PHF10: variants seen among roughly 807,000 people sequenced by gnomAD.
PHF10 encodes the protein BRG1-associated factor 45a.
PHF10 carries 51 observed loss-of-function variants against 68.5 expected under a neutral mutation model. The ratio of observed to expected loss-of-function variants is 0.74; its 90% CI spans 0.59 to 0.94. The LOEUF (loss-of-function observed/expected upper bound fraction) is 0.94. Among genes scored for constraint, PHF10 ranks in the 40% least tolerant of loss-of-function variants. The probability of loss-of-function intolerance (pLI) is 0.00; values close to 1 mark genes in which losing one functional copy is unlikely to be tolerated. For missense variants in PHF10, 460 were observed against 602.6 expected (o/e 0.76, Z 2.48); for synonymous variants, 204 against 203.5 (o/e 1.00, Z -0.02).
At chr6:169,719,420 C>T (rs1789126675) in intron 2 of PHF10, 1 of 153,062 alleles carries the variant, frequency 6.5e-6, no homozygotes. Flanking sequence ...AGATACTCCA[C>T]AAACCCAGAA....
chr6:169,716,978 G>C (rs1789062984), intron 4 of PHF10, among the ~76,000 whole-genome samples: 1 of 152,230 alleles, frequency 6.6e-6, no homozygotes, highest in Non-Finnish European at 1.5e-5. Context: ...CAAGGGCTGG[G>C]CATGGTGGCT....
intron 11 of PHF10, 63 bp from the exon 12 acceptor site, chr6:169,704,151 A>G: frequency 8.0e-7 from 1 of 1,254,244 alleles, no homozygotes; most frequent in Non-Finnish European, 1.1e-6. Flanking sequence ...TTTTAAGCCC[A>G]TCTAAACTCT....
chr6:169,713,191 C>G (rs1343679383), intron 7 of PHF10, among the ~76,000 whole-genome samples: 1 of 152,164 alleles, frequency 6.6e-6, no homozygotes, highest in Non-Finnish European at 1.5e-5. Flanking sequence ...AGCCCCCATT[C>G]AGGAGGCAAC....
Position 169,705,697 on chromosome 6 carries a change from C to A in PHF10, c.1141G>T (p.Gly381Ter). 6.3e-7 allele frequency: 1 copy of A among 1,584,652 alleles called. No individual in the cohort carries two copies. The highest frequency in any genetic ancestry group is 8.7e-7 in the Non-Finnish European group (1 of 1,153,262). The change falls in exon 10 of 12, where the codon GGA becomes TGA. Residue 381 changes from glycine to a stop codon, truncating the protein, a stop_gained. Transcript: ENST00000339209. LOFTEE classifies it high-confidence loss of function. The stretch of plus-strand genomic sequence containing the variant: ...GACTCCTTACCCTTCAGACAAATTC[C>A]ACATATAGCATTTGGAATGACCTTT... ...KPKVIPNAICGICLKGKESNK... is the reference protein window; with the variant it reads ...KPKVIPNAIC
chr6:169,714,609 C>A, intron 7 of PHF10, 124 bp downstream of exon 7: 2 of 673,176 alleles, frequency 3.0e-6, no homozygotes, highest in Non-Finnish European at 2.7e-6. Flanking sequence ...AATAGCAACA[C>A]AAATCCTATA....
At chr6:169,706,551 AAG>A (rs981132602) in intron 9 of PHF10, among the ~76,000 whole-genome samples, 1 of 152,100 alleles carries the variant, frequency 6.6e-6, no homozygotes, top group African/African-American at 2.4e-5. Context: ...ACAAAGGAAA[AAG>A]GGTTCACTGC....
chr6:169,724,393 G>A lies in PHF10; in HGVS notation c.-462C>T, dbSNP rs1402514666. On this transcript the variant is annotated 5_prime_UTR_variant, in exon 1 of 12. Coordinates refer to ENST00000339209, the MANE Select transcript of PHF10 (RefSeq NM_018288.4). ...TCAGCCCCGCGGCCGCCTCAGCCCCGCCGCTCGCCTCAGCCCCGCCGCTCG... is the reference window on the plus strand; with the variant it reads ...TCAGCCCCGCGGCCGCCTCAGCCCCACCGCTCGCCTCAGCCCCGCCGCTCG... 9.2e-6 allele frequency among the ~76,000 whole-genome samples: 1 copy of A among 108,822 alleles called. No homozygotes were observed. The highest frequency in any genetic ancestry group is 1.9e-5 in the Non-Finnish European group (1 of 51,914). The allele number at this position is 108,822 out of a possible 152,430, so 71.4% of individuals were successfully genotyped here.
chr6:169,721,151 G>T, intron 1 of PHF10, 40 bp from the exon 2 acceptor site: 1 of 1,120,004 alleles, frequency 8.9e-7, no homozygotes, highest in South Asian at 1.4e-5. Context: ...ATTAGAGAAA[G>T]AATAAAAGAA....
At chr6:169,714,992 C>A (rs1271919117) in intron 6 of PHF10, 150 bp from the exon 7 acceptor site, 2 of 621,678 alleles carry the variant, frequency 3.2e-6, no homozygotes, top group African/African-American at 1.8e-5. Context: ...CCTAAGAGGA[C>A]AGTTGGTGCT....
chr6:169,715,955 G>T lies in PHF10; in HGVS notation c.543C>A (p.Ser181=). ...QRITDHYKEY[S]QMQQQNTQKV... ...AATGCCAGTCACCTCAATTACTTAC[G>T]GAATACTCTTTATAATGGTCTGTAA... The change falls in exon 5 of 12, where the codon TCC becomes TCA. Residue 181 remains serine (S), a splice_region_variant and synonymous_variant. Transcript: ENST00000339209. 6.2e-7 allele frequency: 1 copy of T among 1,602,112 alleles called. No homozygotes were observed. Among genetic ancestry groups the T allele is most frequent in the Non-Finnish European group, 8.5e-7 (1 of 1,174,842 alleles).
At chr6:169,705,967 A>G (rs1186979809) in intron 9 of PHF10, among the ~76,000 whole-genome samples, 5 of 152,140 alleles carry the variant, frequency 3.3e-5, no homozygotes, top group Admixed American at 6.5e-5. Context: ...AGCATTCTAT[A>G]CTCCCTACAT....
chr6:169,723,915 C>CCGG lies in PHF10; in HGVS notation c.14_16dup (p.Ala5dup). On this transcript the variant is annotated inframe_insertion, in exon 1 of 12. Coordinates refer to ENST00000339209, the MANE Select transcript of PHF10 (RefSeq NM_018288.4). Reference sequence around the variant, plus strand: ...CCGCGGGGACAGCGCAGCCCCGGGCCCGGCCGCCGCCGCCATCAGCCCGAG... The same window carrying CCGG: ...CCGCGGGGACAGCGCAGCCCCGGGCCCGGCGGCCGCCGCCGCCATCAGCCCGAG... The CCGG allele has an allele frequency of 9.6e-7, 1 of 1,036,968 alleles. No individual in the cohort carries two copies. The highest frequency in any genetic ancestry group is 1.2e-6 in the Non-Finnish European group (1 of 859,578). The allele number at this position is 1,036,968 out of a possible 1,614,324, so 64.2% of individuals were successfully genotyped here. A position where few individuals can be genotyped will look rare whatever the true frequency, so the allele number is the denominator to read the frequency against.
chr6:169,719,822 G>A (rs1789135467), intron 2 of PHF10, among the ~76,000 whole-genome samples: 1 of 151,976 alleles, frequency 6.6e-6, no homozygotes. Flanking sequence ...AAAAATAGAT[G>A]AAAAATTTGG....
At chr6:169,710,071 A>G in intron 9 of PHF10, 165 bp downstream of exon 9, 1 of 501,274 alleles carries the variant, frequency 2.0e-6, no homozygotes. Flanking sequence ...AAAAGCCACC[A>G]AGGAAATAAA....
chr6:169,721,954 T>A (rs1316363461), intron 1 of PHF10, among the ~76,000 whole-genome samples: 1 of 152,200 alleles, frequency 6.6e-6, no homozygotes, highest in Non-Finnish European at 1.5e-5. Flanking sequence ...TATGGTATAG[T>A]GGCCAGGCAT....
At chr6:169,720,764 T>A (rs980275452) in intron 2 of PHF10, among the ~76,000 whole-genome samples, 1 of 152,216 alleles carries the variant, frequency 6.6e-6, no homozygotes, top group Non-Finnish European at 1.5e-5. Flanking sequence ...TGCCAATGAA[T>A]TTCACACTTA....
chr6:169,706,727 T>TACACACAC (rs55829134), intron 9 of PHF10, among the ~76,000 whole-genome samples: 14 of 127,376 alleles, frequency 1.1e-4, no homozygotes, highest in East Asian at 2.2e-4. Flanking sequence ...CATACATACA[T>TACACACAC]ACACACACAC....
intron 7 of PHF10, among the ~76,000 whole-genome samples, chr6:169,712,891 G>A (rs572916305): frequency 2.0e-4 from 31 of 152,190 alleles, no homozygotes; most frequent in Non-Finnish European, 3.1e-4. Flanking sequence ...ACTTCTCTGT[G>A]CTGTCACTCC....
chr6:169,713,174 C>T (rs747062536), intron 7 of PHF10, among the ~76,000 whole-genome samples: 4 of 152,156 alleles, frequency 2.6e-5, no homozygotes, highest in Non-Finnish European at 5.9e-5. Flanking sequence ...CCATTCTCAC[C>T]CTCAGTAGCC....
Sources: allele counts gnomAD v4.1 joint callset (sites outside exome capture counted in the v4.1 genomes callset), GRCh38; gene constraint gnomAD v4.1.1; transcripts MANE v1.5; gene names NCBI Gene and HGNC (gene_info 2026-07-23, HGNC 2026-07-21).